RALGAPB: variants seen among roughly 807,000 people sequenced by gnomAD.
RALGAPB encodes the protein Ral GTPase activating protein non-catalytic subunit beta, also known as ral GTPase-activating protein subunit beta.
Under a neutral mutation model 161.1 loss-of-function variants are expected in RALGAPB, and 25 were observed. The ratio of observed to expected loss-of-function variants is 0.16; its 90% confidence interval spans 0.11 to 0.22. The LOEUF is 0.22. RALGAPB is among the 10% of genes least tolerant of loss of function. The pLI, the probability that RALGAPB is intolerant of heterozygous loss-of-function variation, is 1.00. For missense variants in RALGAPB, 1,391 were observed against 1,815.2 expected (o/e 0.77, Z 4.25); for synonymous variants, 629 against 626.1 (o/e 1.00, Z -0.07).
chr20:38,517,400 A>C, intron 7 of RALGAPB, 106 bp from the exon 8 acceptor site: 6 of 1,153,638 alleles, frequency 5.2e-6, no homozygotes, highest in Non-Finnish European at 7.2e-6. Flanking sequence ...AATCTCTGCT[A>C]TAGTCTATGT....
chr20:38,494,877 T>A (rs2085376656), intron 3 of RALGAPB, among the ~76,000 whole-genome samples: 1 of 152,230 alleles, frequency 6.6e-6, no homozygotes. Flanking sequence ...GAAAAAAAAT[T>A]AATGGCATTT....
At chr20:38,510,737 C>T (rs1383779347) in intron 6 of RALGAPB, among the ~76,000 whole-genome samples, 4 of 128,390 alleles carry the variant, frequency 3.1e-5, no homozygotes, top group Non-Finnish European at 6.0e-5. Flanking sequence ...GGTGAAACCC[C>T]GTCTCTACTA....
intron 22 of RALGAPB, among the ~76,000 whole-genome samples, chr20:38,554,585 T>C (rs2087509460): frequency 6.6e-6 from 1 of 152,198 alleles, no homozygotes. Flanking sequence ...GCTTGCCAGC[T>C]ATGTGGTCTT....
rs561226441 is a variant in RALGAPB, at chr20:38,495,187, A to G, written c.389+2055A>G. 2.8e-3 allele frequency among the ~76,000 whole-genome samples: 432 copies of G among 152,320 alleles called. 3 individuals carry two copies. Among genetic ancestry groups the G allele is most frequent in the South Asian group, 7.5e-3 (36 of 4,828 alleles). ...CAAAACTGTCATCTAAGTTTACTTA[A>G]TTAGTTGTTTTTATAAAAACTGACA... On this transcript the variant is annotated intron_variant, in intron 3 of 29. Coordinates refer to ENST00000262879, the MANE Select transcript of RALGAPB (RefSeq NM_020336.4).
intron 28 of RALGAPB, among the ~76,000 whole-genome samples, chr20:38,571,333 C>G (rs2088231038): frequency 6.6e-6 from 1 of 152,202 alleles, no homozygotes; most frequent in African/African-American, 2.4e-5. Flanking sequence ...ACTTATCCTG[C>G]ATAACTGAAA....
chr20:38,517,532 G>T lies in RALGAPB; in HGVS notation c.1078G>T (p.Ala360Ser). ...LGISRPRSDS[A>S]PPTPVNRLSM... ...TATTTCTAGACCCCGATCAGACAGT[G>T]CTCCCCCAACACCCGTGAATAGATT... Residue 360 changes from alanine to serine, a missense_variant, in exon 8 of 30, where the codon GCT (alanine) becomes TCT (serine). Ala to Ser is a moderately conservative substitution (Grantham distance 99). Transcript: ENST00000262879. The T allele has an allele frequency of 6.2e-7, 1 of 1,600,452 alleles. No individual in the cohort carries two copies. Among genetic ancestry groups the T allele is most frequent in the Non-Finnish European group, 8.5e-7 (1 of 1,175,328 alleles).
intron 28 of RALGAPB, among the ~76,000 whole-genome samples, chr20:38,571,522 G>T (rs995534001): frequency 8.5e-5 from 13 of 152,158 alleles, no homozygotes; most frequent in African/African-American, 2.9e-4. Flanking sequence ...CACCCATGTT[G>T]TTGCAGATGG....
At chr20:38,525,350 A>T (rs762630143) in intron 11 of RALGAPB, 54 bp from the exon 12 acceptor site, 265 of 1,210,940 alleles carry the variant, frequency 2.2e-4, no homozygotes, top group Non-Finnish European at 2.8e-4. Flanking sequence ...ATTTGGCAGT[A>T]GCTAAAAATG....
chr20:38,571,091 T>C (rs1434816707), intron 28 of RALGAPB, among the ~76,000 whole-genome samples: 2 of 152,206 alleles, frequency 1.3e-5, no homozygotes, highest in Non-Finnish European at 2.9e-5. Flanking sequence ...GTATTTAATG[T>C]ATACAACTTG....
intron 7 of RALGAPB, among the ~76,000 whole-genome samples, chr20:38,516,905 A>G (rs1322329133): frequency 6.6e-6 from 1 of 152,224 alleles, no homozygotes; most frequent in East Asian, 1.9e-4. Flanking sequence ...GATTTATAAT[A>G]TTTTCTAAAA....
At chr20:38,499,707 A>C in intron 5 of RALGAPB, 74 bp downstream of exon 5, 1 of 1,395,170 alleles carries the variant, frequency 7.2e-7, no homozygotes, top group Non-Finnish European at 9.6e-7. Flanking sequence ...CATGGAATAC[A>C]TTATAACAAA....
At position 38,553,910 on chromosome 20, in the gene RALGAPB, A is replaced by G. The variant is rs2087481721; in HGVS notation, c.3206A>G (p.Gln1069Arg). 4 of 1,613,676 alleles carry G rather than the reference A, an allele frequency of 2.5e-6. No homozygotes were observed. Among genetic ancestry groups the G allele is most frequent in the Non-Finnish European group, 2.5e-6 (3 of 1,179,716 alleles). The change falls in exon 22 of 30, where the codon CAG becomes CGG. Residue 1069 changes from glutamine (Q) to arginine (R), a missense_variant. Physicochemically the swap from Gln to Arg is conservative, Grantham distance 43 (BLOSUM62 1). This residue lies in a region of RALGAPB where 436 missense variants were observed against 527.0 expected (regional missense o/e 0.83). Transcript: ENST00000262879. ...AAATTAAGGAGTGGCATGGCCCAGC[A>G]GATTGCTTATGAAATACACCTTGAG... ...HEKLRSGMAQ[Q>R]IAYEIHLEQQ...
chr20:38,516,457 C>T (rs541225636), intron 7 of RALGAPB, 87 bp downstream of exon 7: 10 of 1,225,410 alleles, frequency 8.2e-6, no homozygotes, highest in African/African-American at 3.1e-5. Context: ...AGAAAACATC[C>T]GAAGGAAAAG....
At chr20:38,523,414 C>G (rs528706616) in intron 10 of RALGAPB, among the ~76,000 whole-genome samples, 3 of 152,240 alleles carry the variant, frequency 2.0e-5, no homozygotes, top group Admixed American at 1.3e-4. Flanking sequence ...GGGGAGAAGG[C>G]TATCACCATG....
In RALGAPB at chr20:38,569,895, C is replaced by T. The variant is rs138668856; in HGVS notation, c.3962C>T (p.Pro1321Leu). The T allele has an allele frequency of 1.2e-3, 1,907 of 1,612,832 alleles. 2 individuals are homozygous for T. Among genetic ancestry groups the T allele is most frequent in the Non-Finnish European group, 1.1e-3 (1,286 of 1,179,174 alleles). ...DNLNSSQRLS[P>L]SSRMRKLPQG... The stretch of plus-strand genomic sequence containing the variant: ...TTCTTCTTCTTCATGTAGCTCAGTC[C>T]CAGTTCCAGAATGAGGAAGCTGCCT... Residue 1321 changes from proline (P) to leucine (L), a missense_variant, in exon 27 of 30, where the codon CCC becomes CTC. Coordinates refer to ENST00000262879, the MANE Select transcript of RALGAPB (RefSeq NM_020336.4).
At chr20:38,506,785 G>A (rs1381302338) in intron 5 of RALGAPB, among the ~76,000 whole-genome samples, 1 of 152,058 alleles carries the variant, frequency 6.6e-6, no homozygotes, top group Non-Finnish European at 1.5e-5. Context: ...CAAAGAGAGG[G>A]GGTGACAGGA....
intron 5 of RALGAPB, among the ~76,000 whole-genome samples, chr20:38,501,378 G>A (rs547559181): frequency 5.3e-5 from 8 of 152,280 alleles, no homozygotes; most frequent in African/African-American, 1.4e-4. Flanking sequence ...TTGGGAGTAC[G>A]AGGTGGGCAG....
At chr20:38,524,691 T>C in intron 10 of RALGAPB, 87 bp from the exon 11 acceptor site, 9 of 1,021,234 alleles carry the variant, frequency 8.8e-6, no homozygotes, top group South Asian at 4.5e-5. Flanking sequence ...TGAGTGGAAA[T>C]AGACTTTCAG....
In RALGAPB at chr20:38,516,222, T is replaced by C. The variant is rs1199031348; in HGVS notation, c.903T>C (p.Ile301=). Residue 301 remains isoleucine (I), a synonymous_variant, in exon 7 of 30, where the codon ATT becomes ATC. Coordinates refer to ENST00000262879, the MANE Select transcript of RALGAPB (RefSeq NM_020336.4). ...SNPVDLSNPA[I]ISSTPKFQEQ... Reference sequence around the variant, plus strand: ...CTGTGGATTTGAGTAACCCAGCTATTATAAGCTCTACTCCCAAATTTCAGG... The same window carrying C: ...CTGTGGATTTGAGTAACCCAGCTATCATAAGCTCTACTCCCAAATTTCAGG... 6 of 1,611,438 alleles carry C rather than the reference T, an allele frequency of 3.7e-6. No individual in the cohort carries two copies. Among genetic ancestry groups the C allele is most frequent in the Admixed American group, 3.3e-5 (2 of 59,780 alleles).
Sources: allele counts gnomAD v4.1 joint callset (sites outside exome capture counted in the v4.1 genomes callset), GRCh38; gene constraint gnomAD v4.1.1; regional missense constraint gnomAD v4.1.1; transcripts MANE v1.5; gene names NCBI Gene and HGNC (gene_info 2026-07-23, HGNC 2026-07-21).